Variants in CNTN4 observed in about 807,000 individuals in gnomAD.
CNTN4 encodes the protein contactin 4, also known as contactin-4.
Under a neutral mutation model 122.5 loss-of-function variants are expected in CNTN4, and 77 were observed. The observed-to-expected ratio is 0.63, with a 90% CI of 0.52 to 0.76. The LOEUF is 0.76. CNTN4 is among the 30% of genes least tolerant of loss of function. The probability of loss-of-function intolerance (pLI) is 0.00; values close to 1 mark genes in which losing one functional copy is unlikely to be tolerated. For synonymous variants in CNTN4, 512 were observed against 447.0 expected (o/e 1.15, Z -1.83); for missense variants, 1,256 against 1,259.1 (o/e 1.00, Z 0.04).
At chr3:2,303,075 G>C (rs993970825) in intron 2 of CNTN4, among the ~76,000 whole-genome samples, 1 of 152,146 alleles carries the variant, frequency 6.6e-6, no homozygotes, top group Non-Finnish European at 1.5e-5. Flanking sequence ...ATGAAGTATA[G>C]ATACTGTTAA....
At chr3:3,010,258 C>A (rs1697090909) in intron 14 of CNTN4, among the ~76,000 whole-genome samples, 1 of 151,968 alleles carries the variant, frequency 6.6e-6, no homozygotes, top group Non-Finnish European at 1.5e-5. Flanking sequence ...CAGCATCTTC[C>A]AGTGCTCTGT....
At chr3:2,751,416 C>T (rs1360756914) in intron 6 of CNTN4, among the ~76,000 whole-genome samples, 3 of 152,194 alleles carry the variant, frequency 2.0e-5, no homozygotes, top group African/African-American at 2.4e-5. Flanking sequence ...CCTGAGACTA[C>T]GCACAGCTTC....
At chr3:2,209,805 T>C in intron 2 of CNTN4, among the ~76,000 whole-genome samples, 1 of 152,168 alleles carries the variant, frequency 6.6e-6, no homozygotes, top group East Asian at 1.9e-4. Flanking sequence ...GTGCTCCTTC[T>C]TTCCTCCTAT....
chr3:2,111,983 A>G (rs751514638), intron 2 of CNTN4, among the ~76,000 whole-genome samples: 2 of 152,134 alleles, frequency 1.3e-5, no homozygotes, highest in Non-Finnish European at 2.9e-5. Context: ...TATCTATGGG[A>G]TAGACAATGC....
intron 2 of CNTN4, among the ~76,000 whole-genome samples, chr3:2,149,134 G>A (rs894737095): frequency 6.6e-6 from 1 of 152,192 alleles, no homozygotes; most frequent in Non-Finnish European, 1.5e-5. Flanking sequence ...ATTTCCCAGT[G>A]TGTGAAGCTT....
At chr3:2,871,485 A>T (rs969230861) in intron 8 of CNTN4, among the ~76,000 whole-genome samples, 41 of 152,202 alleles carry the variant, frequency 2.7e-4, no homozygotes, top group African/African-American at 9.2e-4. Context: ...GTAAATTTTG[A>T]TTTATTTTTT....
At chr3:2,907,244 A>G (rs2094245580) in intron 12 of CNTN4, among the ~76,000 whole-genome samples, 1 of 152,194 alleles carries the variant, frequency 6.6e-6, no homozygotes, top group Non-Finnish European at 1.5e-5. Flanking sequence ...GAATTGAACA[A>G]AGAAACAAAA....
At chr3:2,929,856 C>T (rs142447881) in intron 13 of CNTN4, among the ~76,000 whole-genome samples, 84 of 152,280 alleles carry the variant, frequency 5.5e-4, no homozygotes, top group Non-Finnish European at 9.6e-4. Context: ...CCAAAGAAAT[C>T]GAGCTGCTAT....
intron 3 of CNTN4, among the ~76,000 whole-genome samples, chr3:2,521,195 A>C (rs2077199100): frequency 6.6e-6 from 1 of 151,708 alleles, no homozygotes; most frequent in South Asian, 2.1e-4. Flanking sequence ...ATTTTTGTGA[A>C]CTCAAAATTA....
chr3:2,955,493 T>G (rs892775272), intron 13 of CNTN4, among the ~76,000 whole-genome samples: 4 of 152,144 alleles, frequency 2.6e-5, no homozygotes, highest in Non-Finnish European at 4.4e-5. Flanking sequence ...ACATTAAATA[T>G]TCAGATATTC....
At chr3:2,516,939 G>C (rs1231238097) in intron 3 of CNTN4, among the ~76,000 whole-genome samples, 1 of 150,786 alleles carries the variant, frequency 6.6e-6, no homozygotes, top group African/African-American at 2.4e-5. Flanking sequence ...ACAAAAGAAA[G>C]AAAGAAAAAA....
At chr3:2,926,792 C>T (rs554404645) in intron 13 of CNTN4, among the ~76,000 whole-genome samples, 2 of 151,758 alleles carry the variant, frequency 1.3e-5, no homozygotes, top group Non-Finnish European at 2.9e-5. Flanking sequence ...TTTTTTAACA[C>T]TTGCTATGGA....
chr3:2,918,593 G>A (rs1577268317), intron 12 of CNTN4, among the ~76,000 whole-genome samples: 1 of 152,192 alleles, frequency 6.6e-6, no homozygotes, highest in East Asian at 1.9e-4. Context: ...CTTGAAATTG[G>A]CCAAGGTAGG....
intron 8 of CNTN4, among the ~76,000 whole-genome samples, chr3:2,882,302 A>C (rs1051923849): frequency 6.6e-6 from 1 of 151,738 alleles, no homozygotes; most frequent in Non-Finnish European, 1.5e-5. Flanking sequence ...GAAGGCAGAG[A>C]TTGCAGTGAG....
chr3:3,013,586 A>G (rs2125527029), intron 14 of CNTN4, among the ~76,000 whole-genome samples: 1 of 152,218 alleles, frequency 6.6e-6, no homozygotes, highest in Non-Finnish European at 1.5e-5. Context: ...TGCATCCTGC[A>G]TGAAAAGTGC....
At chr3:2,152,838 C>T (rs971158150) in intron 2 of CNTN4, among the ~76,000 whole-genome samples, 1 of 152,060 alleles carries the variant, frequency 6.6e-6, no homozygotes, top group Non-Finnish European at 1.5e-5. Flanking sequence ...TCGGGCTCAG[C>T]CTCTTGTGAT....
In CNTN4 at chr3:2,357,827, C is replaced by T. The variant is rs73807741; in HGVS notation, c.-89+18594C>T. Among the ~76,000 whole-genome samples, 660 of 152,306 alleles carry T rather than the reference C, an allele frequency of 4.3e-3. 3 individuals are homozygous for T. Among genetic ancestry groups the T allele is most frequent in the African/African-American group, 0.015 (631 of 41,570 alleles). ...TATAAATTGCTATCATCTTCTTAATCCTGTATGTATTTGGTATCAGGCTTT... is the reference window on the plus strand; with the variant it reads ...TATAAATTGCTATCATCTTCTTAATTCTGTATGTATTTGGTATCAGGCTTT... On this transcript the variant is annotated intron_variant, in intron 3 of 24. Transcript: ENST00000418658.
chr3:2,863,715 T>A (rs1158016047), intron 7 of CNTN4, among the ~76,000 whole-genome samples: 1 of 152,120 alleles, frequency 6.6e-6, no homozygotes, highest in African/African-American at 2.4e-5. Flanking sequence ...GGTAATTCCA[T>A]GAGCAAATAA....
intron 3 of CNTN4, among the ~76,000 whole-genome samples, chr3:2,551,851 A>C (rs967823084): frequency 1.8e-4 from 27 of 151,984 alleles, no homozygotes; most frequent in Admixed American, 1.7e-3. Flanking sequence ...TTTTTTCTTT[A>C]GTTATTAATA....
Sources: allele counts gnomAD v4.1 joint callset (sites outside exome capture counted in the v4.1 genomes callset), GRCh38; gene constraint gnomAD v4.1.1; transcripts MANE v1.5; gene names NCBI Gene and HGNC (gene_info 2026-07-23, HGNC 2026-07-21).